The following XKR6 variants were observed in gnomAD, a reference collection of about 807,000 sequenced individuals.
XKR6 encodes XK-related protein 6.
XKR6 carries 22 observed loss-of-function variants against 56.7 expected under a neutral mutation model. That is an observed-to-expected ratio of 0.39 (90% CI 0.28 to 0.55). The LOEUF (loss-of-function observed/expected upper bound fraction) is 0.55. Among genes scored for constraint, XKR6 ranks in the 20% least tolerant of loss-of-function variants. The pLI is 0.66. For synonymous variants in XKR6, 524 were observed against 387.8 expected (o/e 1.35, Z -4.13); for missense variants, 852 against 889.0 (o/e 0.96, Z 0.53).
At chr8:11,003,851 G>A (rs1477280568) in intron 1 of XKR6, among the ~76,000 whole-genome samples, 1 of 152,226 alleles carries the variant, frequency 6.6e-6, no homozygotes, top group Non-Finnish European at 1.5e-5. Flanking sequence ...TGTGATGAGA[G>A]CAAAAGGTTC....
At chr8:10,989,380 T>C (rs1005324114) in intron 1 of XKR6, among the ~76,000 whole-genome samples, 3 of 152,222 alleles carry the variant, frequency 2.0e-5, no homozygotes, top group African/African-American at 7.2e-5. Flanking sequence ...TAGGACCTCA[T>C]AGTTAACTAA....
intron 1 of XKR6, among the ~76,000 whole-genome samples, chr8:10,959,937 C>T (rs1205821165): frequency 6.6e-6 from 1 of 152,088 alleles, no homozygotes; most frequent in African/African-American, 2.4e-5. Flanking sequence ...CAATGAAATG[C>T]CCAGAGTGCA....
intron 1 of XKR6, among the ~76,000 whole-genome samples, chr8:11,001,961 G>C (rs1311503135): frequency 6.6e-6 from 1 of 151,776 alleles, no homozygotes; most frequent in Admixed American, 6.6e-5. Flanking sequence ...CCTTCCAGCA[G>C]ACCTCAGTTT....
intron 1 of XKR6, among the ~76,000 whole-genome samples, chr8:10,988,333 G>T (rs1586396976): frequency 6.6e-6 from 1 of 152,220 alleles, no homozygotes; most frequent in Non-Finnish European, 1.5e-5. Context: ...TTCAATGAAT[G>T]AGTAGGTGAA....
chr8:11,027,658 C>T (rs369283400), intron 1 of XKR6, among the ~76,000 whole-genome samples: 1 of 152,224 alleles, frequency 6.6e-6, no homozygotes, highest in Non-Finnish European at 1.5e-5. Flanking sequence ...CAAGGCCTTG[C>T]AGCAAGATGA....
At chr8:11,127,530 T>A (rs1469432313) in intron 1 of XKR6, among the ~76,000 whole-genome samples, 1 of 152,210 alleles carries the variant, frequency 6.6e-6, no homozygotes, top group Non-Finnish European at 1.5e-5. Context: ...TCCCTGGCCT[T>A]TTCCAGCTTC....
intron 1 of XKR6, among the ~76,000 whole-genome samples, chr8:11,190,169 G>A (rs1322174638): frequency 4.0e-5 from 3 of 75,502 alleles, no homozygotes; most frequent in African/African-American, 1.6e-4. Context: ...AAAAAAGAAA[G>A]AAAGAAAAGA....
chr8:11,018,182 C>G (rs1276067857), intron 1 of XKR6, among the ~76,000 whole-genome samples: 4 of 139,092 alleles, frequency 2.9e-5, no homozygotes, highest in African/African-American at 8.1e-5. Context: ...CCAGGGACAG[C>G]CTCCCCCTCA....
intron 1 of XKR6, among the ~76,000 whole-genome samples, chr8:11,021,704 T>C (rs1798753330): frequency 6.6e-6 from 1 of 152,092 alleles, no homozygotes; most frequent in Admixed American, 6.5e-5. Context: ...TCTTGGTGCT[T>C]CTTTTCATCC....
intron 1 of XKR6, among the ~76,000 whole-genome samples, chr8:11,081,050 A>C (rs149140970): frequency 3.0e-3 from 455 of 152,354 alleles, no homozygotes; most frequent in African/African-American, 0.011. Flanking sequence ...AACTTTCAAT[A>C]AAGGTGAAAC....
At chr8:11,081,557 C>T (rs1357101179) in intron 1 of XKR6, among the ~76,000 whole-genome samples, 5 of 152,200 alleles carry the variant, frequency 3.3e-5, no homozygotes, top group African/African-American at 1.2e-4. Flanking sequence ...TCTCCTGGGG[C>T]TCTTCCATCT....
intron 1 of XKR6, chr8:11,123,473 C>A: frequency 5.4e-6 from 1 of 185,344 alleles, no homozygotes; most frequent in Non-Finnish European, 1.1e-5. Context: ...TCACATTGAA[C>A]AAGGATATGC....
intron 1 of XKR6, among the ~76,000 whole-genome samples, chr8:10,976,198 C>A (rs1802553356): frequency 6.6e-6 from 1 of 151,960 alleles, no homozygotes; most frequent in Non-Finnish European, 1.5e-5. Flanking sequence ...AAGTGCCCCC[C>A]CCCAACCTCG....
chr8:11,096,871 C>T (rs1434918579), intron 1 of XKR6, among the ~76,000 whole-genome samples: 9 of 152,216 alleles, frequency 5.9e-5, no homozygotes, highest in Non-Finnish European at 1.3e-4. Flanking sequence ...CTGAATGTCA[C>T]CCAAACACCA....
At chr8:10,945,191 G>C (rs924419573) in intron 1 of XKR6, among the ~76,000 whole-genome samples, 6 of 152,162 alleles carry the variant, frequency 3.9e-5, no homozygotes, top group African/African-American at 1.4e-4. Context: ...TGATTAAAAA[G>C]GCCAAAATGC....
intron 1 of XKR6, among the ~76,000 whole-genome samples, chr8:11,063,695 G>A (rs141931048): frequency 5.9e-5 from 9 of 152,256 alleles, no homozygotes; most frequent in African/African-American, 2.2e-4. Context: ...GGGAGAGGCC[G>A]ATGCCAGGAA....
intron 1 of XKR6, among the ~76,000 whole-genome samples, chr8:11,053,243 A>T (rs1308555259): frequency 6.6e-6 from 1 of 152,192 alleles, no homozygotes; most frequent in Non-Finnish European, 1.5e-5. Context: ...AAAAACATAG[A>T]TGGCAAGGGC....
intron 1 of XKR6, among the ~76,000 whole-genome samples, chr8:11,151,473 C>T (rs553105328): frequency 6.6e-6 from 1 of 152,230 alleles, no homozygotes; most frequent in East Asian, 1.9e-4. Context: ...TTGAGAATGG[C>T]AAGATTTTAA....
intron 1 of XKR6, among the ~76,000 whole-genome samples, chr8:11,007,986 G>C (rs1798410276): frequency 6.6e-6 from 1 of 152,182 alleles, no homozygotes; most frequent in African/African-American, 2.4e-5. Flanking sequence ...ACCTGGATGT[G>C]TGGGTGCTCC....
Sources: allele counts gnomAD v4.1 joint callset (sites outside exome capture counted in the v4.1 genomes callset), GRCh38; gene constraint gnomAD v4.1.1; transcripts MANE v1.5; gene names NCBI Gene and HGNC (gene_info 2026-07-23, HGNC 2026-07-21).